Variants in AMOTL1 observed in about 807,000 individuals in gnomAD.
AMOTL1 encodes angiomotin-like protein 1.
In AMOTL1, 45 loss-of-function variants were observed where a neutral mutation model predicts 102.9. The observed-to-expected ratio is 0.44, with a 90% CI of 0.34 to 0.56. The LOEUF is 0.56. AMOTL1 is among the 20% of genes least tolerant of loss of function. The pLI is 0.01. For synonymous variants in AMOTL1, 481 were observed against 484.7 expected (o/e 0.99, Z 0.10); for missense variants, 1,114 against 1,225.6 (o/e 0.91, Z 1.36).
intron 7 of AMOTL1, among the ~76,000 whole-genome samples, chr11:94,853,241 T>C (rs1952584002): frequency 6.6e-6 from 1 of 152,184 alleles, no homozygotes; most frequent in Non-Finnish European, 1.5e-5. Context: ...TACCAACCCA[T>C]CATCCAGGTT....
chr11:94,735,702 C>A (rs1011595864), intron 2 of AMOTL1, among the ~76,000 whole-genome samples: 3 of 151,992 alleles, frequency 2.0e-5, no homozygotes, highest in African/African-American at 4.8e-5. Context: ...TTTGAATATG[C>A]CTTAAAAATT....
At chr11:94,819,646 A>G (rs1407119349) in intron 3 of AMOTL1, among the ~76,000 whole-genome samples, 2 of 152,126 alleles carry the variant, frequency 1.3e-5, no homozygotes, top group Admixed American at 1.3e-4. Flanking sequence ...CATCTTACAT[A>G]CTGATTGACG....
At chr11:94,731,635 T>C (rs955029887) in intron 2 of AMOTL1, among the ~76,000 whole-genome samples, 5 of 152,342 alleles carry the variant, frequency 3.3e-5, no homozygotes, top group Admixed American at 2.6e-4. Context: ...GCCTTTTTTG[T>C]ATAGATATAG....
intron 5 of AMOTL1, 131 bp from the exon 6 acceptor site, chr11:94,831,321 A>G (rs1315223373): frequency 3.2e-6 from 2 of 625,260 alleles, no homozygotes; most frequent in African/African-American, 3.7e-5. Flanking sequence ...TCTGTCCCCA[A>G]GTTGTTCAGT....
rs555602180 is a variant in AMOTL1 at position 94,818,817 on chromosome 11, C to G, written c.1122-2713C>G. Among the ~76,000 whole-genome samples the G allele has an allele frequency of 1.1e-3, 165 of 152,128 alleles. 1 individual carries two copies. Among genetic ancestry groups the G allele is most frequent in the African/African-American group, 3.8e-3 (158 of 41,494 alleles). ...CCATTTTTTTCTTGATTTAAAATCC[C>G]TAAAAATGAAGCTGTGCTTTCTTAA... On this transcript the variant is annotated intron_variant, in intron 3 of 12. Transcript: ENST00000433060.
At chr11:94,814,152 C>T (rs1320189480) in intron 3 of AMOTL1, among the ~76,000 whole-genome samples, 3 of 152,136 alleles carry the variant, frequency 2.0e-5, no homozygotes, top group Admixed American at 6.5e-5. Context: ...CTTTTTATGT[C>T]AGGTAGCAAT....
intron 4 of AMOTL1, among the ~76,000 whole-genome samples, chr11:94,829,592 T>C (rs1952034786): frequency 6.6e-6 from 1 of 152,152 alleles, no homozygotes. Flanking sequence ...TTATGTTCCT[T>C]TGGGGACAGA....
At chr11:94,719,203 T>A (rs1950138948) in intron 1 of AMOTL1, among the ~76,000 whole-genome samples, 1 of 152,130 alleles carries the variant, frequency 6.6e-6, no homozygotes, top group South Asian at 2.1e-4. Context: ...GGACTTCCTA[T>A]TCTGTGCTAC....
intron 3 of AMOTL1, among the ~76,000 whole-genome samples, chr11:94,753,685 G>T (rs1457663631): frequency 1.3e-5 from 2 of 152,154 alleles, no homozygotes; most frequent in African/African-American, 4.8e-5. Flanking sequence ...CTTCTCTATT[G>T]CTAGGATTCC....
intron 3 of AMOTL1, among the ~76,000 whole-genome samples, chr11:94,749,507 C>T (rs1950626570): frequency 6.6e-6 from 1 of 152,302 alleles, no homozygotes; most frequent in South Asian, 2.1e-4. Flanking sequence ...TCTAGGTATC[C>T]CTGAATTCAG....
intron 12 of AMOTL1, 44 bp from the exon 13 acceptor site, chr11:94,870,645 C>G (rs749296858): frequency 3.5e-5 from 53 of 1,494,658 alleles, no homozygotes; most frequent in African/African-American, 1.4e-5. Context: ...AGCCTATGCC[C>G]CTCCTGAGGA....
chr11:94,779,813 A>G (rs916521755), intron 1 of AMOTL1, among the ~76,000 whole-genome samples: 8 of 152,176 alleles, frequency 5.3e-5, no homozygotes, highest in African/African-American at 7.2e-5. Flanking sequence ...ATAGGATACT[A>G]AAGAAAATAT....
intron 3 of AMOTL1, among the ~76,000 whole-genome samples, chr11:94,747,760 T>C (rs1262353512): frequency 3.3e-5 from 5 of 152,210 alleles, no homozygotes; most frequent in Non-Finnish European, 7.3e-5. Flanking sequence ...CCCTGGCTTC[T>C]TCCGTTTCCT....
At chr11:94,712,624 T>G (rs1950037129) in intron 1 of AMOTL1, among the ~76,000 whole-genome samples, 1 of 151,982 alleles carries the variant, frequency 6.6e-6, no homozygotes, top group Non-Finnish European at 1.5e-5. Context: ...CTAAAGAACT[T>G]AAACAAACCA....
At chr11:94,729,667 A>G (rs777151496) in intron 2 of AMOTL1, among the ~76,000 whole-genome samples, 8 of 152,110 alleles carry the variant, frequency 5.3e-5, no homozygotes, top group Non-Finnish European at 8.8e-5. Context: ...CCATCCCTCA[A>G]ATCTGATAGA....
chr11:94,784,910 C>T (rs181448727), intron 1 of AMOTL1, among the ~76,000 whole-genome samples: 7 of 151,412 alleles, frequency 4.6e-5, no homozygotes, highest in Admixed American at 4.6e-4. Context: ...GTGTTTCTGA[C>T]ACACTGTAAG....
At chr11:94,759,585 A>AC (rs1352242570) in intron 3 of AMOTL1, among the ~76,000 whole-genome samples, 2 of 151,660 alleles carry the variant, frequency 1.3e-5, no homozygotes, top group Admixed American at 1.3e-4. Context: ...AAAAAAAAAA[A>AC]AAAGGGCAAG....
chr11:94,835,427 C>T (rs1335289758), intron 6 of AMOTL1, among the ~76,000 whole-genome samples: 1 of 152,230 alleles, frequency 6.6e-6, no homozygotes, highest in Admixed American at 6.5e-5. Flanking sequence ...GCTGTGTCTT[C>T]TCAGTCACGG....
chr11:94,720,242 G>A (rs912748705), intron 1 of AMOTL1, among the ~76,000 whole-genome samples: 2 of 152,108 alleles, frequency 1.3e-5, no homozygotes, highest in Non-Finnish European at 2.9e-5. Flanking sequence ...GAAGGCAATT[G>A]TGTTGAAAGG....
Sources: allele counts gnomAD v4.1 joint callset (sites outside exome capture counted in the v4.1 genomes callset), GRCh38; gene constraint gnomAD v4.1.1; transcripts MANE v1.5; gene names NCBI Gene and HGNC (gene_info 2026-07-23, HGNC 2026-07-21).